ADAMTS17: variants seen among roughly 807,000 people sequenced by gnomAD.
ADAMTS17 encodes the protein ADAM metallopeptidase with thrombospondin type 1 motif 17, also known as A disintegrin and metalloproteinase with thrombospondin motifs 17.
A neutral mutation model predicts 141.5 loss-of-function variants in ADAMTS17; 113 were observed. That is an observed-to-expected ratio of 0.80 (90% CI 0.69 to 0.93). The LOEUF (loss-of-function observed/expected upper bound fraction) is 0.93. Ranked by LOEUF, ADAMTS17 falls within the 40% of genes least tolerant of loss-of-function variation. The pLI is 0.00. For synonymous variants in ADAMTS17, 768 were observed against 630.6 expected (o/e 1.22, Z -3.27); for missense variants, 1,659 against 1,517.9 (o/e 1.09, Z -1.54).
intron 12 of ADAMTS17, among the ~76,000 whole-genome samples, chr15:100,127,179 T>C (rs1281678178): frequency 6.6e-6 from 1 of 152,000 alleles, no homozygotes; most frequent in East Asian, 1.9e-4. Context: ...CAAAAGATAG[T>C]CCACTCGGAA....
chr15:100,009,611 C>G (rs1165643000), intron 18 of ADAMTS17, among the ~76,000 whole-genome samples: 1 of 152,108 alleles, frequency 6.6e-6, no homozygotes, highest in Admixed American at 6.5e-5. Flanking sequence ...TCAGCCCAGG[C>G]CTGACACTCC....
intron 15 of ADAMTS17, among the ~76,000 whole-genome samples, chr15:100,086,157 C>A (rs1314482413): frequency 6.6e-6 from 1 of 151,990 alleles, no homozygotes; most frequent in Non-Finnish European, 1.5e-5. Context: ...GGAAGACCTA[C>A]CAAGCAGATG....
intron 8 of ADAMTS17, among the ~76,000 whole-genome samples, chr15:100,191,233 A>C (rs932784504): frequency 8.5e-5 from 13 of 152,248 alleles, no homozygotes; most frequent in Non-Finnish European, 1.3e-4. Context: ...CCTGGGGCAG[A>C]GACAAACATC....
At chr15:100,104,048 C>A (rs1264752847) in intron 14 of ADAMTS17, among the ~76,000 whole-genome samples, 1 of 152,210 alleles carries the variant, frequency 6.6e-6, no homozygotes, top group Non-Finnish European at 1.5e-5. Context: ...GAAGTAGGAA[C>A]TGAATTGGAG....
chr15:100,044,580 G>A (rs1327462703), intron 18 of ADAMTS17, among the ~76,000 whole-genome samples: 1 of 152,064 alleles, frequency 6.6e-6, no homozygotes, highest in Non-Finnish European at 1.5e-5. Flanking sequence ...CTTTTCTTAC[G>A]TTTCTGAGCA....
intron 15 of ADAMTS17, among the ~76,000 whole-genome samples, chr15:100,062,822 TGAGTTTAAGTTTAACCCAA>T (rs2033223985): frequency 6.6e-6 from 1 of 152,114 alleles, no homozygotes; most frequent in Non-Finnish European, 1.5e-5. Flanking sequence ...TCAGCCACCT[TGAGTTTAAGTTTAACCCAA>T]GACAGGAACA....
At chr15:100,228,586 C>T (rs1265591887) in intron 7 of ADAMTS17, among the ~76,000 whole-genome samples, 1 of 152,200 alleles carries the variant, frequency 6.6e-6, no homozygotes, top group Non-Finnish European at 1.5e-5. Context: ...GATGAGGACA[C>T]AGACCCAGCC....
In ADAMTS17 at chr15:100,296,595, G is replaced by GTGTGTGTA. The variant is rs1555504084; in HGVS notation, c.617-15195_617-15194insTACACACA. ...GGTGAGGGGGGGTGTGTGTGTGTGT[G>GTGTGTGTA]TGTGTGTGTATGTGTGTGTGTGCGC... is the stretch of plus-strand genomic sequence containing the variant. On this transcript the variant is annotated intron_variant, in intron 3 of 21. Transcript: ENST00000268070. 1.5e-4 allele frequency among the ~76,000 whole-genome samples: 23 copies of GTGTGTGTA among 152,172 alleles called. No homozygotes were observed. In the East Asian group the frequency reaches 4.5e-3, roughly 30 times the overall value.
chr15:100,232,559 T>C (rs929011710), intron 7 of ADAMTS17, among the ~76,000 whole-genome samples: 15 of 152,232 alleles, frequency 9.9e-5, no homozygotes, highest in African/African-American at 3.6e-4. Flanking sequence ...CCCAATCGGC[T>C]ATTCCCTTCC....
intron 6 of ADAMTS17, among the ~76,000 whole-genome samples, chr15:100,255,738 G>A (rs2043306047): frequency 6.6e-6 from 1 of 152,016 alleles, no homozygotes; most frequent in Non-Finnish European, 1.5e-5. Flanking sequence ...AGGGAGAAAG[G>A]GACCAAGGCC....
chr15:100,099,827 A>C (rs188478401), intron 14 of ADAMTS17, among the ~76,000 whole-genome samples: 1 of 152,312 alleles, frequency 6.6e-6, no homozygotes, highest in East Asian at 1.9e-4. Flanking sequence ...AACATGCAGA[A>C]AGTGCTTGGA....
intron 12 of ADAMTS17, among the ~76,000 whole-genome samples, chr15:100,131,380 A>AT (rs1227902346): frequency 6.8e-6 from 1 of 147,334 alleles, no homozygotes; most frequent in East Asian, 2.1e-4. Flanking sequence ...AAAAAAAAAA[A>AT]AAGAAATGGG....
intron 15 of ADAMTS17, among the ~76,000 whole-genome samples, chr15:100,071,270 A>T (rs1334111795): frequency 1.3e-5 from 2 of 149,996 alleles, no homozygotes; most frequent in African/African-American, 2.5e-5. Flanking sequence ...AACCAAAAAA[A>T]GTCCAGGACC....
intron 20 of ADAMTS17, among the ~76,000 whole-genome samples, chr15:99,988,480 C>T (rs574202321): frequency 2.6e-5 from 4 of 152,334 alleles, no homozygotes; most frequent in African/African-American, 9.6e-5. Flanking sequence ...GCCAAATAAA[C>T]CTCTTTATCA....
chr15:100,045,820 A>G (rs1427501153), intron 18 of ADAMTS17, among the ~76,000 whole-genome samples: 1 of 152,162 alleles, frequency 6.6e-6, no homozygotes, highest in Non-Finnish European at 1.5e-5. Flanking sequence ...ATTCAATTCC[A>G]TGCCATTCTA....
At chr15:100,339,870 GAAGA>G (rs1326001245) in intron 2 of ADAMTS17, among the ~76,000 whole-genome samples, 1 of 152,168 alleles carries the variant, frequency 6.6e-6, no homozygotes. Flanking sequence ...GCAGGACTGG[GAAGA>G]AAGAGAGGTC....
intron 18 of ADAMTS17, among the ~76,000 whole-genome samples, chr15:100,002,432 G>A (rs998420624): frequency 2.0e-5 from 3 of 152,014 alleles, no homozygotes; most frequent in Non-Finnish European, 2.9e-5. Context: ...ACGTGACCAC[G>A]GCAGGTGCTC....
chr15:100,194,025 T>G (rs1205753736), intron 8 of ADAMTS17, among the ~76,000 whole-genome samples: 1 of 152,172 alleles, frequency 6.6e-6, no homozygotes, highest in Admixed American at 6.5e-5. Context: ...CAGACACTCC[T>G]CACTCCAACA....
intron 13 of ADAMTS17, among the ~76,000 whole-genome samples, chr15:100,110,980 A>C (rs1339087174): frequency 6.6e-6 from 1 of 152,170 alleles, no homozygotes; most frequent in South Asian, 2.1e-4. Context: ...TCCACAGGAA[A>C]TCTTGTCTTA....
Sources: gnomAD v4.1 joint callset for allele counts (sites outside exome capture counted in the v4.1 genomes callset) on GRCh38, gnomAD v4.1.1 for gene constraint, MANE v1.5 for transcripts, NCBI Gene and HGNC (gene_info 2026-07-23, HGNC 2026-07-21) for gene names.